The following UNC80 variants were observed in gnomAD, a reference collection of about 807,000 sequenced individuals.
UNC80 encodes unc-80 subunit of NALCN channel complex.
In UNC80, 164 loss-of-function variants were observed where a neutral mutation model predicts 384.6. The observed-to-expected ratio is 0.43, with a 90% CI of 0.38 to 0.49. The LOEUF (loss-of-function observed/expected upper bound fraction) is 0.49, where lower values mean the gene tolerates loss of function less well. Ranked by LOEUF, UNC80 falls within the 20% of genes least tolerant of loss-of-function variation. The pLI is 0.00. For missense variants in UNC80, 3,330 were observed against 4,143.0 expected, an observed-to-expected ratio of 0.80 and a Z score of 5.39; for synonymous variants, 1,486 against 1,527.8, an observed-to-expected ratio of 0.97 and a Z score of 0.64.
intron 26 of UNC80, 73 bp downstream of exon 26, chr2:209,888,333 A>C: frequency 6.8e-7 from 1 of 1,474,714 alleles, no homozygotes; most frequent in Non-Finnish European, 9.2e-7. Context: ...CTAGGGTCTA[A>C]ACTACAAAAT....
At chr2:209,950,561 CT>C (rs796509289) in intron 47 of UNC80, among the ~76,000 whole-genome samples, 2,185 of 135,540 alleles carry the variant, frequency 0.016, 39 homozygotes, top group African/African-American at 0.04. Context: ...CTACCTTTGG[CT>C]TTTTTTTTTT....
intron 20 of UNC80, among the ~76,000 whole-genome samples, chr2:209,841,596 T>C (rs189240905): frequency 0.013 from 2,031 of 152,226 alleles, 48 homozygotes; most frequent in African/African-American, 0.044. Flanking sequence ...GTGATCCACC[T>C]GCCTCGGCCT....
intron 11 of UNC80, 36 bp from the exon 12 acceptor site, chr2:209,818,957 G>A (rs1389583770): frequency 6.5e-7 from 1 of 1,540,700 alleles, no homozygotes; most frequent in South Asian, 1.2e-5. Flanking sequence ...GTAGGTTAAT[G>A]TAGGGAGAAC....
chr2:209,993,994 C>T (rs1183799011), intron 63 of UNC80, 71 bp from the exon 64 acceptor site: 1 of 1,337,722 alleles, frequency 7.5e-7, no homozygotes, highest in Non-Finnish European at 1.0e-6. Context: ...CTGGTTAATA[C>T]CAACTATTAA....
chr2:209,870,001 T>C (rs752407408), intron 22 of UNC80, among the ~76,000 whole-genome samples: 12 of 152,166 alleles, frequency 7.9e-5, no homozygotes, highest in Non-Finnish European at 1.8e-4. Flanking sequence ...AGCTAATCCA[T>C]ATAAGAAGCC....
intron 51 of UNC80, among the ~76,000 whole-genome samples, chr2:209,961,840 CA>C (rs1265079107): frequency 6.6e-6 from 1 of 152,096 alleles, no homozygotes; most frequent in African/African-American, 2.4e-5. Flanking sequence ...AGATCATAAT[CA>C]AAAAGCATGA....
chr2:209,978,719 C>A lies in UNC80; in HGVS notation c.9118+11C>A. The A allele has an allele frequency of 6.6e-7, 1 of 1,518,470 alleles. No individual in the cohort carries two copies. The highest frequency in any genetic ancestry group is 1.2e-5 in the South Asian group (1 of 81,252). 94.1% of individuals were successfully genotyped at this position (1,518,470 alleles called of 1,614,324 possible). ...AGGAAGATGAGGAAAGTAGGTCATTCCAGAGAATCTGGGCAGTAGACATGG... is the reference window on the plus strand; with the variant it reads ...AGGAAGATGAGGAAAGTAGGTCATTACAGAGAATCTGGGCAGTAGACATGG... On this transcript the variant is annotated intron_variant, in intron 59 of 64. Transcript: ENST00000673920.
At chr2:209,899,495 T>A (rs907013572) in intron 28 of UNC80, among the ~76,000 whole-genome samples, 2 of 152,032 alleles carry the variant, frequency 1.3e-5, no homozygotes, top group African/African-American at 2.4e-5. Context: ...TTTATTAATT[T>A]AAAAAAAAGC....
chr2:209,924,956 G>C (rs2090313967), intron 35 of UNC80, among the ~76,000 whole-genome samples: 1 of 152,044 alleles, frequency 6.6e-6, no homozygotes, highest in African/African-American at 2.4e-5. Context: ...TGCCCATCCA[G>C]TGGCTGCTAG....
At chr2:209,952,862 A>G (rs2092248389) in intron 47 of UNC80, among the ~76,000 whole-genome samples, 1 of 152,176 alleles carries the variant, frequency 6.6e-6, no homozygotes, top group African/African-American at 2.4e-5. Flanking sequence ...AGAACTCAAA[A>G]GAGTATCATA....
At chr2:209,773,007 T>C in intron 1 of UNC80, 87 bp from the exon 2 acceptor site, 1 of 1,080,504 alleles carries the variant, frequency 9.3e-7, no homozygotes. Flanking sequence ...TAGCATCCTG[T>C]CTTATTCATT....
chr2:209,945,286 G>C (rs2091860211), intron 46 of UNC80, 97 bp downstream of exon 46: 1 of 1,219,840 alleles, frequency 8.2e-7, no homozygotes, highest in Non-Finnish European at 1.1e-6. Flanking sequence ...TTATATGTGT[G>C]TGTATATATA....
Position 209,921,752 on chromosome 2 carries a change from A to T in UNC80, c.5530+66A>T. ...AGGGAAATAACGTGCTCTGAAATTA[A>T]CATTGACAATTTTATGTGACATGAG... On this transcript the variant is annotated intron_variant, in intron 34 of 64. Transcript: ENST00000673920. The T allele has an allele frequency of 2.8e-6, 4 of 1,450,282 alleles. No individual in the cohort carries two copies. The South Asian group carries it at 4.4e-5, about 16-fold the overall frequency. 89.8% of individuals were successfully genotyped at this position (1,450,282 alleles called of 1,614,324 possible). A position where few individuals can be genotyped will look rare whatever the true frequency, so the allele number is the denominator to read the frequency against.
Position 209,933,812 on chromosome 2 carries a change from T to C in UNC80, c.5995-10T>C. On this transcript the variant is annotated splice_polypyrimidine_tract_variant and intron_variant, in intron 38 of 64. Coordinates refer to ENST00000673920, the MANE Select transcript of UNC80 (RefSeq NM_001371986.1). ...GTAGCTTTGTGAACTCTTCTTATAC[T>C]GACTTCTAGGTAGGATTAATCATGT... The C allele has an allele frequency of 6.5e-7, 1 of 1,546,290 alleles. No individual in the cohort carries two copies. Among genetic ancestry groups the C allele is most frequent in the Non-Finnish European group, 8.7e-7 (1 of 1,144,302 alleles).
chr2:209,896,226 T>G (rs1348890718), intron 27 of UNC80, 87 bp from the exon 28 acceptor site: 1 of 1,216,908 alleles, frequency 8.2e-7, no homozygotes, highest in East Asian at 2.5e-5. Context: ...TGCCCTAGGA[T>G]TCAGAAGCAT....
At chr2:209,960,034 A>G (rs2092541710) in intron 51 of UNC80, among the ~76,000 whole-genome samples, 1 of 152,186 alleles carries the variant, frequency 6.6e-6, no homozygotes, top group African/African-American at 2.4e-5. Flanking sequence ...ACTACTATTT[A>G]CTGCCCAGAT....
intron 22 of UNC80, among the ~76,000 whole-genome samples, chr2:209,855,762 C>T (rs34920752): frequency 0.18 from 26,598 of 151,888 alleles, 3,163 homozygotes; most frequent in African/African-American, 0.34. Flanking sequence ...ATGCTATCCT[C>T]TTTCTTATTT....
intron 17 of UNC80, 51 bp from the exon 18 acceptor site, chr2:209,834,861 A>G (rs2081234413): frequency 6.9e-7 from 1 of 1,444,344 alleles, no homozygotes; most frequent in African/African-American, 1.4e-5. Flanking sequence ...TGAAGTATTA[A>G]GACTTGCTAT....
rs1340597140 is a variant in UNC80, at chr2:209,997,748, G to T, written c.*2153G>T. The T allele has an allele frequency of 6.6e-6, 1 of 152,148 alleles. No homozygotes were observed. The highest frequency in any genetic ancestry group is 1.5e-5 in the Non-Finnish European group (1 of 68,020). 9.4% of individuals were successfully genotyped at this position (152,148 alleles called of 1,614,324 possible). On this transcript the variant is annotated 3_prime_UTR_variant, in exon 65 of 65. Coordinates refer to ENST00000673920, the MANE Select transcript of UNC80 (RefSeq NM_001371986.1). ...ACTCTGAGAAACAGGGCCTTATAGA[G>T]TAGGAATGTTTTCATACTGGGACTA... is the stretch of plus-strand genomic sequence containing the variant.
Sources: allele counts gnomAD v4.1 joint callset (sites outside exome capture counted in the v4.1 genomes callset), GRCh38; gene constraint gnomAD v4.1.1; transcripts MANE v1.5; gene names NCBI Gene and HGNC (gene_info 2026-07-23, HGNC 2026-07-21).